Variants in SYDE2 observed in about 807,000 individuals in gnomAD.
SYDE2 encodes rho GTPase-activating protein SYDE2.
A neutral mutation model predicts 91.5 loss-of-function variants in SYDE2; 76 were observed. The observed-to-expected ratio is 0.83, with a 90% confidence interval of 0.69 to 1.01. The LOEUF (loss-of-function observed/expected upper bound fraction) is 1.01, where lower values mean the gene tolerates loss of function less well. SYDE2 is among the 50% of genes least tolerant of loss of function. SYDE2 has a pLI of 0.00. For synonymous variants in SYDE2, 513 were observed against 506.4 expected (o/e 1.01, Z -0.18); for missense variants, 1,364 against 1,367.7 (o/e 1.00, Z 0.04).
chr1:85,172,131 A>G (rs1454783923), intron 4 of SYDE2, among the ~76,000 whole-genome samples: 2 of 152,230 alleles, frequency 1.3e-5, no homozygotes, highest in Non-Finnish European at 2.9e-5. Flanking sequence ...GATGTAAGGA[A>G]GATCATTTCT....
chr1:85,178,032 A>G, intron 4 of SYDE2, 114 bp downstream of exon 4: 1 of 916,396 alleles, frequency 1.1e-6, no homozygotes, highest in Non-Finnish European at 1.6e-6. Flanking sequence ...GTGAAGGAAG[A>G]AAAGACTTCA....
chr1:85,182,338 G>A lies in SYDE2; in HGVS notation c.2304C>T (p.Thr768=). 1 of 1,613,860 alleles carries A rather than the reference G, an allele frequency of 6.2e-7. No individual in the cohort carries two copies. Among genetic ancestry groups the A allele is most frequent in the Non-Finnish European group, 8.5e-7 (1 of 1,179,834 alleles). ...VCCHGTVVLP[T]LFRVTKTHQL... Reference sequence around the variant, plus strand: ...GATGAGTCTTTGTCACTCTAAATAAGGTGGGAAGAACAACAGTTCCATGAC... The same window carrying A: ...GATGAGTCTTTGTCACTCTAAATAAAGTGGGAAGAACAACAGTTCCATGAC... Residue 768 remains threonine (T), a synonymous_variant, in exon 3 of 7, where the codon ACC becomes ACT. Transcript: ENST00000341460.
Position 85,158,621 on chromosome 1 carries a change from A to T in SYDE2, c.*129T>A. 1 of 558,700 alleles carries T rather than the reference A, an allele frequency of 1.8e-6. No individual in the cohort carries two copies. The highest frequency in any genetic ancestry group is 3.2e-6 in the Non-Finnish European group (1 of 316,906). The allele number at this position is 558,700 out of a possible 1,614,324, so 34.6% of individuals were successfully genotyped here. ...TGAATAGTGTTTTTAATTGAATCAG[A>T]TAAACTTATTAAAAATTAATTAAAG... On this transcript the variant is annotated 3_prime_UTR_variant, in exon 7 of 7. Transcript: ENST00000341460.
At chr1:85,189,596 G>A (rs535642519) in intron 2 of SYDE2, among the ~76,000 whole-genome samples, 21 of 152,294 alleles carry the variant, frequency 1.4e-4, no homozygotes, top group African/African-American at 5.1e-4. Flanking sequence ...AGCACTTTGG[G>A]AGGCCAAAGT....
chr1:85,182,346 G>A lies in SYDE2; in HGVS notation c.2296C>T (p.Leu766Phe), dbSNP rs1167221300. 2 of 1,613,814 alleles carry A rather than the reference G, an allele frequency of 1.2e-6. No homozygotes were observed. The highest frequency in any genetic ancestry group is 3.3e-5 in the Admixed American group (2 of 60,008). Residue 766 changes from leucine to phenylalanine, a missense_variant, in exon 3 of 7, where the codon CTT becomes TTT. Physicochemically the swap from Leu to Phe is conservative, Grantham distance 22. Transcript: ENST00000341460. The stretch of plus-strand genomic sequence containing the variant: ...TTTGTCACTCTAAATAAGGTGGGAA[G>A]AACAACAGTTCCATGACAACAAACT... ...NRVCCHGTVV[L>F]PTLFRVTKTH... is the part of the protein sequence containing the mutation.
chr1:85,190,546 G>A lies in SYDE2; in HGVS notation c.952C>T (p.Pro318Ser). Reference sequence around the variant, plus strand: ...AGCTGATGTTTAGGTAGAGACACAGGTGAGATGGATAAATGACTTCTATCT... The same window carrying A: ...AGCTGATGTTTAGGTAGAGACACAGATGAGATGGATAAATGACTTCTATCT... The part of the protein sequence containing the change: ...CQDRSHLSIS[P>S]VSLPKHQLSQ... The change falls in exon 2 of 7, where the codon CCT becomes TCT. Residue 318 changes from proline (P) to serine (S), a missense_variant. Pro to Ser is a moderately conservative substitution (Grantham distance 74, BLOSUM62 -1). Coordinates refer to ENST00000341460, the MANE Select transcript of SYDE2 (RefSeq NM_032184.2). 2 of 1,613,994 alleles carry A rather than the reference G, an allele frequency of 1.2e-6. No individual in the cohort carries two copies.
At position 85,200,980 on chromosome 1, in the gene SYDE2, G is replaced by C; in HGVS notation, c.17C>G (p.Pro6Arg). 1 of 1,304,688 alleles carries C rather than the reference G, an allele frequency of 7.7e-7. No homozygotes were observed. Among genetic ancestry groups the C allele is most frequent in the Non-Finnish European group, 9.7e-7 (1 of 1,035,286 alleles). The allele number at this position is 1,304,688 out of a possible 1,614,324, so 80.8% of individuals were successfully genotyped here. A position where few individuals can be genotyped will look rare whatever the true frequency, so the allele number is the denominator to read the frequency against. MHDLPPDSGARRGGRG... is the reference protein window; with the variant it reads MHDLPRDSGARRGGRG... ...GCCGCCCCGCCGCGCGCCCGAGTCAGGGGGCAGGTCGTGCATGGCCTGGAT... is the reference window on the plus strand; with the variant it reads ...GCCGCCCCGCCGCGCGCCCGAGTCACGGGGCAGGTCGTGCATGGCCTGGAT... Residue 6 changes from proline (P) to arginine (R), a missense_variant, in exon 1 of 7, where the codon CCT becomes CGT. Physicochemically the swap from Pro to Arg is moderately radical, Grantham distance 103. Coordinates refer to ENST00000341460, the MANE Select transcript of SYDE2 (RefSeq NM_032184.2).
Position 85,178,276 on chromosome 1 carries a change from G to C in SYDE2, c.2545-4C>G, listed in dbSNP as rs753134378. The C allele has an allele frequency of 1.9e-6, 3 of 1,561,628 alleles. No homozygotes were observed. The highest frequency in any genetic ancestry group is 1.2e-5 in the South Asian group (1 of 82,960). On this transcript the variant is annotated splice_region_variant and splice_polypyrimidine_tract_variant and intron_variant, in intron 3 of 6. Coordinates refer to ENST00000341460, the MANE Select transcript of SYDE2 (RefSeq NM_032184.2). ...ATAATCGATACAGGCCTACTACCTA[G>C]GAATAAAATTATGGCCACATTACAG... is the stretch of plus-strand genomic sequence containing the variant.
At chr1:85,183,514 G>A (rs920514197) in intron 2 of SYDE2, among the ~76,000 whole-genome samples, 12 of 152,154 alleles carry the variant, frequency 7.9e-5, no homozygotes, top group South Asian at 2.1e-4. Context: ...ATGAGAAAAA[G>A]TGTTTATTCA....
intron 2 of SYDE2, among the ~76,000 whole-genome samples, chr1:85,185,445 G>A (rs887853644): frequency 1.3e-5 from 2 of 151,382 alleles, no homozygotes; most frequent in Non-Finnish European, 2.9e-5. Flanking sequence ...AGCATGGAAT[G>A]TTCTTCCATT....
At chr1:85,192,359 G>A (rs1279068943) in intron 1 of SYDE2, among the ~76,000 whole-genome samples, 1 of 152,152 alleles carries the variant, frequency 6.6e-6, no homozygotes. Context: ...AGTGAGCTAT[G>A]ATTGTGCCAC....
downstream of SYDE2, among the ~76,000 whole-genome samples, chr1:85,155,384 T>A (rs1276390737): frequency 6.6e-6 from 1 of 152,030 alleles, no homozygotes; most frequent in Admixed American, 6.5e-5. Flanking sequence ...CATACTGTAA[T>A]CCCAGCACTT....
At position 85,157,868 on chromosome 1, in the gene SYDE2, TAC is replaced by T. The variant is rs1370524279; in HGVS notation, c.*880_*881del. On this transcript the variant is annotated 3_prime_UTR_variant, in exon 7 of 7. Coordinates refer to ENST00000341460, the MANE Select transcript of SYDE2 (RefSeq NM_032184.2). ...ATACATATATGCATTTATAAATATA[TAC>T]AGTTTCAGGATTATAAAAATATTTA... The T allele has an allele frequency of 6.6e-6, 1 of 152,184 alleles. No homozygotes were observed. The highest frequency in any genetic ancestry group is 2.4e-5 in the African/African-American group (1 of 41,454). 9.4% of individuals were successfully genotyped at this position (152,184 alleles called of 1,614,324 possible).
intron 2 of SYDE2, among the ~76,000 whole-genome samples, chr1:85,188,657 G>C (rs1477144467): frequency 6.6e-6 from 1 of 152,194 alleles, no homozygotes; most frequent in Non-Finnish European, 1.5e-5. Context: ...AAAACTCTGG[G>C]AAACAACATA....
chr1:85,200,857 C>T lies in SYDE2; in HGVS notation c.140G>A (p.Gly47Glu), dbSNP rs546712035. The change falls in exon 1 of 7, where the codon GGG becomes GAG. Residue 47 changes from glycine to glutamate, a missense_variant. Physicochemically the swap from Gly to Glu is moderately conservative, Grantham distance 98. Coordinates refer to ENST00000341460, the MANE Select transcript of SYDE2 (RefSeq NM_032184.2). ...AGGGCGTCCGCCGCCTCCCCGCTCC[C>T]CGTCCCGGGGGCAGGCTCGGCGGTA... ...AAYRRACPRDGERGGGGRPRQ... is the reference protein window; with the variant it reads ...AAYRRACPRDEERGGGGRPRQ... 462 of 1,376,426 alleles carry T rather than the reference C, an allele frequency of 3.4e-4. No homozygotes were observed. Among genetic ancestry groups the T allele is most frequent in the Middle Eastern group, 5.2e-4 (2 of 3,838 alleles). 85.3% of individuals were successfully genotyped at this position (1,376,426 alleles called of 1,614,324 possible). A position where few individuals can be genotyped will look rare whatever the true frequency, so the allele number is the denominator to read the frequency against.
chr1:85,181,870 C>T (rs1657932649), intron 3 of SYDE2: 1 of 387,338 alleles, frequency 2.6e-6, no homozygotes, highest in African/African-American at 2.1e-5. Context: ...ACCCATGAAG[C>T]TCTGTGTTGC....
chr1:85,198,059 C>G (rs1280446280), intron 1 of SYDE2, among the ~76,000 whole-genome samples: 1 of 152,146 alleles, frequency 6.6e-6, no homozygotes, highest in African/African-American at 2.4e-5. Flanking sequence ...TGAAATTCAC[C>G]CATATCCTCA....
At chr1:85,161,442 T>G (rs1459163926) in intron 6 of SYDE2, among the ~76,000 whole-genome samples, 1 of 152,180 alleles carries the variant, frequency 6.6e-6, no homozygotes, top group East Asian at 1.9e-4. Flanking sequence ...AAATGTGGTA[T>G]AGTGGCCAGG....
intron 2 of SYDE2, among the ~76,000 whole-genome samples, chr1:85,187,773 A>T (rs1045754503): frequency 6.6e-6 from 1 of 151,220 alleles, no homozygotes; most frequent in Non-Finnish European, 1.5e-5. Flanking sequence ...AGGACAAAAA[A>T]CCAAACACCG....
Sources: allele counts gnomAD v4.1 joint callset (sites outside exome capture counted in the v4.1 genomes callset), GRCh38; gene constraint gnomAD v4.1.1; transcripts MANE v1.5; gene names NCBI Gene and HGNC (gene_info 2026-07-23, HGNC 2026-07-21).